PML: variants seen among roughly 807,000 people sequenced by gnomAD.
PML encodes PML nuclear body scaffold, also known as protein PML.
Under a neutral mutation model 65.2 loss-of-function variants are expected in PML, and 28 were observed. That is an observed-to-expected ratio of 0.43 (90% CI 0.32 to 0.59). PML has a LOEUF of 0.59. PML is among the 20% of genes least tolerant of loss of function. PML has a pLI of 0.08. For missense variants in PML, 1,021 were observed against 1,203.4 expected, an observed-to-expected ratio of 0.85 and a Z score of 2.24; for synonymous variants, 500 against 508.8, an observed-to-expected ratio of 0.98 and a Z score of 0.23.
chr15:74,008,693 T>C (rs1437395450), intron 2 of PML, among the ~76,000 whole-genome samples: 1 of 149,132 alleles, frequency 6.7e-6, no homozygotes, highest in Non-Finnish European at 1.5e-5. Flanking sequence ...GAGCCAAGAT[T>C]GCGCCGATGC....
chr15:74,006,281 C>T (rs2070045177), intron 2 of PML, among the ~76,000 whole-genome samples: 1 of 150,484 alleles, frequency 6.6e-6, no homozygotes, highest in African/African-American at 2.4e-5. Context: ...ATCCCAGCTA[C>T]TCAGGAGGCT....
chr15:74,032,785 T>C (rs2071380050), intron 5 of PML, 70 bp downstream of exon 5: 2 of 1,523,570 alleles, frequency 1.3e-6, no homozygotes, highest in African/African-American at 2.7e-5. Context: ...GAGCTGGCAC[T>C]GGGGTGGGAA....
chr15:74,032,540 T>G, intron 4 of PML, 32 bp from the exon 5 acceptor site: 1 of 1,613,538 alleles, frequency 6.2e-7, no homozygotes, highest in Non-Finnish European at 8.5e-7. Context: ...TGCTGCCTAG[T>G]CATTTCTGAC....
At chr15:74,036,627 G>T (rs1419958499) in intron 7 of PML, among the ~76,000 whole-genome samples, 1 of 152,082 alleles carries the variant, frequency 6.6e-6, no homozygotes, top group East Asian at 1.9e-4. Context: ...GTCCCTCTCA[G>T]GGTGGGCCCC....
At chr15:74,008,837 C>T (rs2070189185) in intron 2 of PML, among the ~76,000 whole-genome samples, 1 of 151,766 alleles carries the variant, frequency 6.6e-6, no homozygotes, top group African/African-American at 2.4e-5. Flanking sequence ...CAAGAGTGGG[C>T]AAGTTTGGGA....
chr15:74,020,365 C>T (rs568764846), intron 2 of PML, among the ~76,000 whole-genome samples: 5 of 141,802 alleles, frequency 3.5e-5, no homozygotes, highest in African/African-American at 1.3e-4. Context: ...TTTTGGCTTA[C>T]TGTAACCTCC....
intron 2 of PML, among the ~76,000 whole-genome samples, chr15:74,002,440 T>G (rs1397549108): frequency 8.2e-6 from 1 of 122,182 alleles, no homozygotes; most frequent in East Asian, 2.2e-4. Flanking sequence ...CCTTTCTTTC[T>G]TTTCTTTTTT....
At chr15:74,033,865 C>T (rs1485422094) in intron 6 of PML, 2 of 475,874 alleles carry the variant, frequency 4.2e-6, no homozygotes, top group African/African-American at 3.8e-5. Context: ...TCTCATTTGT[C>T]AGAGTTATCT....
In PML at chr15:74,033,196, G is replaced by C. The variant is rs1264097177; in HGVS notation, c.1439G>C (p.Ser480Thr). 3.7e-6 allele frequency: 6 copies of C among 1,614,106 alleles called. No individual in the cohort carries two copies. The highest frequency in any genetic ancestry group is 5.1e-6 in the Non-Finnish European group (6 of 1,180,050). ...NTTTAQKRKC[S>T]QTQCPRKVIK... ...ACGACAGCCCAGAAGAGGAAGTGCA[G>C]CCAGACCCAGTGCCCCAGGAAGGTC... The change falls in exon 6 of 9, where the codon AGC becomes ACC. Residue 480 changes from serine to threonine, a missense_variant. By Grantham distance (58) the Ser-to-Thr change is moderately conservative (BLOSUM62 1). Coordinates refer to ENST00000268058, the MANE Select transcript of PML (RefSeq NM_033238.3).
chr15:74,017,444 C>T (rs377524496), intron 2 of PML, among the ~76,000 whole-genome samples: 157 of 152,080 alleles, frequency 1.0e-3, no homozygotes, highest in African/African-American at 3.5e-3. Context: ...GTCAGGAGAT[C>T]GAGACCAGCC....
At position 74,044,290 on chromosome 15, in the gene PML, C is replaced by T; in HGVS notation, c.1931C>T (p.Ala644Val). 1 of 1,614,132 alleles carries T rather than the reference C, an allele frequency of 6.2e-7. No individual in the cohort carries two copies. The highest frequency in any genetic ancestry group is 8.5e-7 in the Non-Finnish European group (1 of 1,180,006). ...TTCCGCGTGGTCATCCAGCCTGAAGCCTTCTTCAGCATCTACTCCAAGGCC... is the reference window on the plus strand; with the variant it reads ...TTCCGCGTGGTCATCCAGCCTGAAGTCTTCTTCAGCATCTACTCCAAGGCC... ...SKFRVVIQPE[A>V]FFSIYSKAVS... is the part of the protein sequence containing the mutation. Residue 644 changes from alanine (A) to valine (V), a missense_variant, in exon 9 of 9, where the codon GCC (alanine) becomes GTC (valine). By Grantham distance (64) the Ala-to-Val change is moderately conservative. Transcript: ENST00000268058.
At position 74,046,319 on chromosome 15, in the gene PML, C is replaced by T. The variant is rs1239060311; in HGVS notation, c.*1311C>T. The T allele has an allele frequency of 2.6e-5, 6 of 233,222 alleles. No individual in the cohort carries two copies. The highest frequency in any genetic ancestry group is 6.6e-5 in the African/African-American group (3 of 45,342). The allele number at this position is 233,222 out of a possible 1,614,324, so 14.4% of individuals were successfully genotyped here. A position where few individuals can be genotyped will look rare whatever the true frequency, so the allele number is the denominator to read the frequency against. ...GGGTTGTCCGCTCTGATTAGCAGAA[C>T]GACAGCCCCTTCCTCCTCCTCCCTC... On this transcript the variant is annotated 3_prime_UTR_variant, in exon 9 of 9. Coordinates refer to ENST00000268058, the MANE Select transcript of PML (RefSeq NM_033238.3).
rs148418079 is a variant in PML at position 74,035,638 on chromosome 15, G to A, written c.1710+1108G>A. 1,697 of 1,613,766 alleles carry A rather than the reference G, an allele frequency of 1.1e-3. 1 individual carries two copies. The highest frequency in any genetic ancestry group is 1.2e-3 in the Non-Finnish European group (1,359 of 1,180,040). On this transcript the variant is annotated intron_variant, in intron 7 of 8. Transcript: ENST00000268058. The surrounding 1 kb of genome is among the most constrained non-coding windows in gnomAD (Gnocchi z 4.1). ...GGCATCAGCCCACCCCACCGGATAC[G>A]AGGGGCTGTGCGATCCCGCAGCCGC...
Position 74,047,655 on chromosome 15 carries a change from G to C in PML, c.*2647G>C, listed in dbSNP as rs1316877745. On this transcript the variant is annotated 3_prime_UTR_variant, in exon 9 of 9. Coordinates refer to ENST00000268058, the MANE Select transcript of PML (RefSeq NM_033238.3). The stretch of plus-strand genomic sequence containing the variant: ...GCACCTCTGGCAAATGGGAGAATGC[G>C]GCTCCTTTTGACTTCAAGGGATCTT... 4.9e-6 allele frequency: 1 copy of C among 205,114 alleles called. No homozygotes were observed. Among genetic ancestry groups the C allele is most frequent in the Non-Finnish European group, 1.0e-5 (1 of 100,406 alleles). 12.7% of individuals were successfully genotyped at this position (205,114 alleles called of 1,614,324 possible). A position where few individuals can be genotyped will look rare whatever the true frequency, so the allele number is the denominator to read the frequency against.
Position 74,032,659 on chromosome 15 carries a change from G to A in PML, c.1342G>A (p.Gly448Arg), listed in dbSNP as rs777441794. The A allele has an allele frequency of 5.0e-6, 8 of 1,614,024 alleles. No homozygotes were observed. The highest frequency in any genetic ancestry group is 4.0e-5 in the African/African-American group (3 of 74,936). The change falls in exon 5 of 9, where the codon GGG becomes AGG. Residue 448 changes from glycine to arginine, a missense_variant. Physicochemically the swap from Gly to Arg is moderately radical, Grantham distance 125. Coordinates refer to ENST00000268058, the MANE Select transcript of PML (RefSeq NM_033238.3). The part of the protein sequence containing the change: ...QPMAVVQSVP[G>R]AHPVPVYAFS... ...TATGGCTGTGGTACAGTCAGTGCCC[G>A]GGGCACACCCCGTGCCAGTGTACGC...
At chr15:74,036,114 C>T in intron 7 of PML, 1 of 1,612,678 alleles carries the variant, frequency 6.2e-7, no homozygotes, top group Non-Finnish European at 8.5e-7. Flanking sequence ...GACCTCTGGG[C>T]AGGGAGACCT....
chr15:74,005,122 G>A (rs1028311279), intron 2 of PML, among the ~76,000 whole-genome samples: 10 of 152,040 alleles, frequency 6.6e-5, no homozygotes, highest in East Asian at 5.8e-4. Flanking sequence ...GCACGATCTC[G>A]GCTCACTGCA....
intron 2 of PML, among the ~76,000 whole-genome samples, chr15:73,998,731 C>G (rs1417344543): frequency 6.6e-6 from 1 of 152,168 alleles, no homozygotes; most frequent in African/African-American, 2.4e-5. Context: ...GCATCTTTAT[C>G]CAGTAACTTC....
chr15:73,998,584 C>A (rs746056104), intron 2 of PML, 108 bp downstream of exon 2: 10 of 920,768 alleles, frequency 1.1e-5, no homozygotes, highest in Admixed American at 8.6e-5. Flanking sequence ...GCTTCTGGGG[C>A]CTTGCAACTC....
Sources: gnomAD v4.1 joint callset for allele counts (sites outside exome capture counted in the v4.1 genomes callset) on GRCh38, gnomAD v4.1.1 for gene constraint, Gnocchi (gnomAD v3.1) non-coding constraint, MANE v1.5 for transcripts, NCBI Gene and HGNC (gene_info 2026-07-23, HGNC 2026-07-21) for gene names.